Variants in NPAT observed in about 807,000 individuals in gnomAD.
NPAT encodes nuclear protein, coactivator of histone transcription, also known as protein NPAT.
A neutral mutation model predicts 130.7 loss-of-function variants in NPAT; 52 were observed. That is an observed-to-expected ratio of 0.40 (90% CI 0.32 to 0.50). The LOEUF (loss-of-function observed/expected upper bound fraction) is 0.50, where lower values mean the gene tolerates loss of function less well. NPAT is among the 20% of genes least tolerant of loss of function. The pLI, the probability that NPAT is intolerant of heterozygous loss-of-function variation, is 0.68. For missense variants in NPAT, 1,687 were observed against 1,662.6 expected (o/e 1.01, Z -0.26); for synonymous variants, 580 against 584.8 (o/e 0.99, Z 0.12).
intron 10 of NPAT, among the ~76,000 whole-genome samples, chr11:108,183,051 G>A (rs889966913): frequency 6.6e-6 from 1 of 152,150 alleles, no homozygotes; most frequent in Admixed American, 6.5e-5. Context: ...TGAAATCAGA[G>A]CTCACAGCAG....
chr11:108,190,727 G>T (rs1565319752), intron 4 of NPAT, among the ~76,000 whole-genome samples: 1 of 152,174 alleles, frequency 6.6e-6, no homozygotes, highest in African/African-American at 2.4e-5. Context: ...TTTTCATTAA[G>T]AAGTTTCTAT....
intron 2 of NPAT, among the ~76,000 whole-genome samples, chr11:108,196,587 C>T (rs979205489): frequency 2.6e-5 from 4 of 152,172 alleles, no homozygotes; most frequent in Non-Finnish European, 4.4e-5. Context: ...TCCTTTTATT[C>T]AGGCCTTAGA....
At chr11:108,163,986 G>T (rs1383074171) in intron 15 of NPAT, among the ~76,000 whole-genome samples, 1 of 152,148 alleles carries the variant, frequency 6.6e-6, no homozygotes, top group Non-Finnish European at 1.5e-5. Context: ...ATATATAGAA[G>T]ATAAGAAACT....
intron 10 of NPAT, among the ~76,000 whole-genome samples, chr11:108,181,394 G>A (rs1441068815): frequency 1.3e-5 from 2 of 152,080 alleles, no homozygotes; most frequent in East Asian, 3.9e-4. Flanking sequence ...GAACCTGGGA[G>A]GCAGAGATTG....
intron 12 of NPAT, among the ~76,000 whole-genome samples, chr11:108,175,638 CT>C (rs1338521005): frequency 6.6e-6 from 1 of 152,086 alleles, no homozygotes; most frequent in East Asian, 1.9e-4. Flanking sequence ...GAGAATTGGA[CT>C]TGATTGTTGG....
At chr11:108,209,920 A>C (rs2078368719) in intron 1 of NPAT, among the ~76,000 whole-genome samples, 1 of 150,934 alleles carries the variant, frequency 6.6e-6, no homozygotes, top group Non-Finnish European at 1.5e-5. Context: ...AAAATTCAAT[A>C]ACCACATCAT....
chr11:108,184,613 C>G (rs1179944313), intron 10 of NPAT, among the ~76,000 whole-genome samples: 1 of 152,132 alleles, frequency 6.6e-6, no homozygotes, highest in Non-Finnish European at 1.5e-5. Flanking sequence ...TTACTGCAAC[C>G]TCCGCCCTCC....
At chr11:108,181,320 T>G (rs924878746) in intron 10 of NPAT, among the ~76,000 whole-genome samples, 1 of 151,856 alleles carries the variant, frequency 6.6e-6, no homozygotes, top group Non-Finnish European at 1.5e-5. Flanking sequence ...AAAAAATCAG[T>G]GAGGCGTGGT....
Position 108,222,629 on chromosome 11 carries a change from T to A in NPAT, c.-93A>T, listed in dbSNP as rs910883026. On this transcript the variant is annotated 5_prime_UTR_variant, in exon 1 of 18. Coordinates refer to ENST00000278612, the MANE Select transcript of NPAT (RefSeq NM_002519.3). ...CCTGCGCCGCATCTCCTGGTTCCAG[T>A]GGCGGCACTGAACTCGCGGCAATTT... 1.5e-6 allele frequency: 2 copies of A among 1,379,110 alleles called. No individual in the cohort carries two copies. Among genetic ancestry groups the A allele is most frequent in the South Asian group, 2.4e-5 (2 of 83,654 alleles). The allele number at this position is 1,379,110 out of a possible 1,614,324, so 85.4% of individuals were successfully genotyped here.
intron 11 of NPAT, 58 bp downstream of exon 11, chr11:108,176,936 T>C: frequency 8.9e-7 from 1 of 1,122,644 alleles, no homozygotes; most frequent in South Asian, 1.2e-5. Context: ...TCTGGTTAAG[T>C]TACCAAAGAA....
intron 1 of NPAT, among the ~76,000 whole-genome samples, chr11:108,221,583 G>C (rs569343174): frequency 1.3e-5 from 2 of 152,340 alleles, no homozygotes; most frequent in Non-Finnish European, 2.9e-5. Flanking sequence ...AGACAAATGG[G>C]TTTTCCGAAC....
intron 15 of NPAT, among the ~76,000 whole-genome samples, chr11:108,165,452 TTA>T (rs10678040): frequency 1.6e-4 from 22 of 133,874 alleles, no homozygotes; most frequent in South Asian, 4.7e-4. Flanking sequence ...ACATATGTAT[TTA>T]TATATATATA....
chr11:108,189,955 GGAGT>G (rs1187545999), intron 5 of NPAT, among the ~76,000 whole-genome samples: 7 of 151,692 alleles, frequency 4.6e-5, no homozygotes, highest in Admixed American at 4.6e-4. Flanking sequence ...TGAAATGTAG[GGAGT>G]ATTTACAAAA....
chr11:108,169,294 GC>G (rs2077928121), intron 15 of NPAT, among the ~76,000 whole-genome samples: 1 of 152,192 alleles, frequency 6.6e-6, no homozygotes, highest in African/African-American at 2.4e-5. Flanking sequence ...CACTGGCATT[GC>G]TTAGAAGCTG....
At chr11:108,166,550 A>G (rs373518442) in intron 15 of NPAT, among the ~76,000 whole-genome samples, 1 of 152,260 alleles carries the variant, frequency 6.6e-6, no homozygotes, top group South Asian at 2.1e-4. Flanking sequence ...TTTCTTCTCT[A>G]TATATTGTAT....
intron 2 of NPAT, 67 bp downstream of exon 2, chr11:108,197,225 TGATAAGCTGA>T: frequency 9.3e-7 from 1 of 1,070,154 alleles, no homozygotes; most frequent in Admixed American, 1.7e-5. Context: ...TTTTTTTTTC[TGATAAGCTGA>T]TTTTATGACT....
At chr11:108,216,716 A>T (rs2078438699) in intron 1 of NPAT, among the ~76,000 whole-genome samples, 1 of 152,182 alleles carries the variant, frequency 6.6e-6, no homozygotes, top group East Asian at 1.9e-4. Context: ...TAGCACACAC[A>T]TGAGATGGGG....
chr11:108,216,151 G>A (rs2078434095), intron 1 of NPAT, among the ~76,000 whole-genome samples: 4 of 152,262 alleles, frequency 2.6e-5, no homozygotes, highest in Middle Eastern at 3.4e-3. Flanking sequence ...TTCCTCATAT[G>A]CTTCAAGATT....
rs555592943 is a variant in NPAT, at chr11:108,211,179, G to A, written c.37+11321C>T. On this transcript the variant is annotated intron_variant, in intron 1 of 17. Transcript: ENST00000278612. ...TGCAGTGAGCCGAGATCGCGCCACT[G>A]CATTCCAGCTTGGCAACAGAGTGAG... Among the ~76,000 whole-genome samples the A allele has an allele frequency of 7.9e-5, 12 of 151,826 alleles. No homozygotes were observed. The South Asian group carries it at 2.5e-3, about 32-fold the overall frequency.
Sources: gnomAD v4.1 joint callset for allele counts (sites outside exome capture counted in the v4.1 genomes callset) on GRCh38, gnomAD v4.1.1 for gene constraint, MANE v1.5 for transcripts, NCBI Gene and HGNC (gene_info 2026-07-23, HGNC 2026-07-21) for gene names.